Variants in TET1 observed in about 807,000 individuals in gnomAD.
TET1 encodes the protein tet methylcytosine dioxygenase 1.
TET1 carries 13 observed loss-of-function variants against 148.7 expected under a neutral mutation model. That is an observed-to-expected ratio of 0.09 (90% confidence interval 0.06 to 0.14). The LOEUF (loss-of-function observed/expected upper bound fraction) is 0.14. TET1 is among the 10% of genes least tolerant of loss of function. TET1 has a pLI of 1.00. For missense variants in TET1, 2,182 were observed against 2,553.8 expected (o/e 0.85, Z 3.14); for synonymous variants, 907 against 937.2 (o/e 0.97, Z 0.59).
At chr10:68,679,697 A>C (rs1453197588) in intron 8 of TET1, among the ~76,000 whole-genome samples, 2 of 152,120 alleles carry the variant, frequency 1.3e-5, no homozygotes, top group Non-Finnish European at 2.9e-5. Context: ...TTTTTGAGAC[A>C]GAGTCTGGCT....
At chr10:68,632,759 A>T in intron 3 of TET1, 2 of 1,566,748 alleles carry the variant, frequency 1.3e-6, no homozygotes, top group Non-Finnish European at 8.7e-7. Flanking sequence ...AAGTCAATGT[A>T]AACGAAGTTA....
intron 3 of TET1, among the ~76,000 whole-genome samples, chr10:68,638,524 G>A (rs113712741): frequency 3.9e-5 from 6 of 152,232 alleles, no homozygotes; most frequent in South Asian, 2.1e-4. Context: ...AAAATTTCAC[G>A]GAGAGGGTTA....
Position 68,645,002 on chromosome 10 carries a change from A to G in TET1, c.2273A>G (p.Asn758Ser). The change falls in exon 4 of 12, where the codon AAT becomes AGT. Residue 758 changes from asparagine (N) to serine (S), a missense_variant. Physicochemically the swap from Asn to Ser is conservative, Grantham distance 46. Transcript: ENST00000373644. ...AAATTGTTTGTACAAACCGTAAGAA[A>G]TGGCATTAAACATGTACACTGTTTA... The part of the protein sequence containing the change: ...SPKLFVQTVR[N>S]GIKHVHCLPA... 1 of 1,613,842 alleles carries G rather than the reference A, an allele frequency of 6.2e-7. No homozygotes were observed. The highest frequency in any genetic ancestry group is 1.1e-5 in the South Asian group (1 of 91,008).
chr10:68,629,022 T>C (rs1361613110), intron 3 of TET1, among the ~76,000 whole-genome samples: 2 of 152,184 alleles, frequency 1.3e-5, no homozygotes, highest in East Asian at 1.9e-4. Flanking sequence ...TTCTCTAAAA[T>C]AGAAATTCAT....
At chr10:68,668,865 T>A (rs1383187986) in intron 7 of TET1, among the ~76,000 whole-genome samples, 1 of 152,160 alleles carries the variant, frequency 6.6e-6, no homozygotes, top group Non-Finnish European at 1.5e-5. Flanking sequence ...ATGCCTGTAG[T>A]CCTTAGGTAA....
rs77500190 is a variant in TET1 at position 68,645,253 on chromosome 10, A to C, written c.2524A>C (p.Ile842Leu). The stretch of plus-strand genomic sequence containing the variant: ...TTCCATTCCACATTCTTCACACTCC[A>C]TCATAAATCATCATGCTAGTATACA... ...CSSIPHSSHS[I>L]INHHASIHNE... Residue 842 changes from isoleucine to leucine, a missense_variant, in exon 4 of 12, where the codon ATC (isoleucine) becomes CTC (leucine). By Grantham distance (5) the Ile-to-Leu change is conservative. Transcript: ENST00000373644. 1.2e-6 allele frequency: 2 copies of C among 1,614,102 alleles called. No homozygotes were observed. Among genetic ancestry groups the C allele is most frequent in the South Asian group, 2.2e-5 (2 of 91,066 alleles).
intron 3 of TET1, among the ~76,000 whole-genome samples, chr10:68,636,861 C>T (rs995533873): frequency 2.6e-5 from 4 of 152,096 alleles, no homozygotes; most frequent in Non-Finnish European, 5.9e-5. Flanking sequence ...CTGTGGACTT[C>T]GAATCTCTCA....
intron 3 of TET1, among the ~76,000 whole-genome samples, chr10:68,624,635 T>C (rs2054432038): frequency 2.3e-5 from 1 of 44,184 alleles, no homozygotes; most frequent in Non-Finnish European, 4.0e-5. Flanking sequence ...TTTCTTTCTT[T>C]CTTTCTTTCT....
intron 2 of TET1, among the ~76,000 whole-genome samples, chr10:68,586,857 A>G (rs2053868242): frequency 6.6e-6 from 1 of 152,206 alleles, no homozygotes; most frequent in African/African-American, 2.4e-5. Context: ...TGTCTGCTAT[A>G]CAACAGATGC....
Position 68,573,457 on chromosome 10 carries a change from A to C in TET1, c.1119A>C (p.Pro373=). The change falls in exon 2 of 12, where the codon CCA becomes CCC. Residue 373 remains proline (P), a synonymous_variant. Coordinates refer to ENST00000373644, the MANE Select transcript of TET1 (RefSeq NM_030625.3). ...SFLGQAFGAI[P]HQWELPGADP... is the part of the protein sequence containing the mutation. ...TAGGACAGGCCTTTGGTGCTATCCCACATCAATGGGAACTTCCTGGTGCTG... is the reference window on the plus strand; with the variant it reads ...TAGGACAGGCCTTTGGTGCTATCCCCCATCAATGGGAACTTCCTGGTGCTG... The C allele has an allele frequency of 6.2e-7, 1 of 1,614,190 alleles. No homozygotes were observed.
chr10:68,611,819 T>TA (rs2054217678), intron 3 of TET1, among the ~76,000 whole-genome samples: 3 of 121,250 alleles, frequency 2.5e-5, no homozygotes, highest in Non-Finnish European at 3.4e-5. Flanking sequence ...CCTGCCTCAG[T>TA]CTCCATGAGT....
At position 68,654,125 on chromosome 10, in the gene TET1, A is replaced by G. The variant is rs868245756; in HGVS notation, c.4461+1531A>G. 9.5e-5 allele frequency among the ~76,000 whole-genome samples: 14 copies of G among 147,658 alleles called. 1 individual carries two copies. Among genetic ancestry groups the G allele is most frequent in the African/African-American group, 1.8e-4 (7 of 39,196 alleles). ...TGTCTCCAAAAAAAAAAAAAAAAAA[A>G]GCATGGATTGTCAGGGAATGCCTTT... On this transcript the variant is annotated intron_variant, in intron 6 of 11. Coordinates refer to ENST00000373644, the MANE Select transcript of TET1 (RefSeq NM_030625.3).
intron 1 of TET1, among the ~76,000 whole-genome samples, chr10:68,567,942 G>A (rs902137113): frequency 3.9e-5 from 6 of 152,036 alleles, no homozygotes; most frequent in Admixed American, 3.3e-4. Flanking sequence ...GCAATGGCAC[G>A]ATCTTGGCTC....
At chr10:68,561,842 A>T (rs550136838) in intron 1 of TET1, among the ~76,000 whole-genome samples, 111 of 152,010 alleles carry the variant, frequency 7.3e-4, no homozygotes, top group African/African-American at 2.4e-3. Flanking sequence ...CACGCTGGGC[A>T]TTTCTGATCC....
At chr10:68,633,835 G>T (rs1280394554) in intron 3 of TET1, among the ~76,000 whole-genome samples, 4 of 152,102 alleles carry the variant, frequency 2.6e-5, no homozygotes, top group Non-Finnish European at 5.9e-5. Context: ...AACATATCAG[G>T]ATTATAGAGA....
chr10:68,600,287 AC>A (rs1486479337), intron 2 of TET1, among the ~76,000 whole-genome samples: 5 of 152,084 alleles, frequency 3.3e-5, no homozygotes, highest in African/African-American at 1.2e-4. Flanking sequence ...TGCCCTCGGA[AC>A]CGCCAAGAGG....
At chr10:68,624,367 G>T (rs369337458) in intron 3 of TET1, among the ~76,000 whole-genome samples, 8 of 152,198 alleles carry the variant, frequency 5.3e-5, no homozygotes, top group Non-Finnish European at 1.0e-4. Context: ...TTGGCTCACC[G>T]CAACCTCCGC....
intron 2 of TET1, among the ~76,000 whole-genome samples, chr10:68,580,671 A>G (rs1181649586): frequency 6.6e-6 from 1 of 150,708 alleles, no homozygotes; most frequent in East Asian, 2.0e-4. Context: ...AATCTCAGCT[A>G]TTTGGGAGGC....
chr10:68,578,217 A>G (rs1162141810), intron 2 of TET1, among the ~76,000 whole-genome samples: 1 of 152,214 alleles, frequency 6.6e-6, no homozygotes, highest in Non-Finnish European at 1.5e-5. Context: ...ACTGGGCAAC[A>G]TAGCGACATA....
Sources: allele counts gnomAD v4.1 joint callset (sites outside exome capture counted in the v4.1 genomes callset), GRCh38; gene constraint gnomAD v4.1.1; transcripts MANE v1.5; gene names NCBI Gene and HGNC (gene_info 2026-07-23, HGNC 2026-07-21).